LRRCC1: variants seen among roughly 807,000 people sequenced by gnomAD.
LRRCC1 encodes leucine-rich repeat and coiled-coil domain-containing protein 1.
In LRRCC1, 115 loss-of-function variants were observed where a neutral mutation model predicts 126.0. That is an observed-to-expected ratio of 0.91 (90% CI 0.78 to 1.07). The LOEUF is 1.07. Ranked by LOEUF, LRRCC1 falls within the 50% of genes least tolerant of loss-of-function variation. The pLI is 0.00. For synonymous variants in LRRCC1, 400 were observed against 393.4 expected (o/e 1.02, Z -0.20); for missense variants, 1,172 against 1,175.7 (o/e 1.00, Z 0.05).
intron 6 of LRRCC1, among the ~76,000 whole-genome samples, chr8:85,118,710 A>G (rs1809297969): frequency 6.6e-6 from 1 of 151,968 alleles, no homozygotes; most frequent in African/African-American, 2.4e-5. Flanking sequence ...GCCCATTTTT[A>G]AATTGGGTTG....
chr8:85,136,058 A>G (rs1810838083), intron 14 of LRRCC1, 95 bp downstream of exon 14: 1 of 1,077,626 alleles, frequency 9.3e-7, no homozygotes, highest in Admixed American at 3.4e-5. Context: ...CTGCCTAAAG[A>G]TGCCAAGAAA....
chr8:85,122,001 T>C (rs1240862464), intron 6 of LRRCC1, among the ~76,000 whole-genome samples: 1 of 152,242 alleles, frequency 6.6e-6, no homozygotes, highest in African/African-American at 2.4e-5. Flanking sequence ...CATCTGTGGA[T>C]ACTAGTCTGT....
chr8:85,115,079 T>C (rs1424408181), intron 4 of LRRCC1, 21 bp from the exon 5 acceptor site: 1 of 1,520,572 alleles, frequency 6.6e-7, no homozygotes. Context: ...CAGTTTTCAT[T>C]TTGAATGATT....
chr8:85,132,241 T>C (rs959619494), intron 12 of LRRCC1, among the ~76,000 whole-genome samples: 4 of 152,188 alleles, frequency 2.6e-5, no homozygotes, highest in Non-Finnish European at 5.9e-5. Flanking sequence ...TTGGCAAAAC[T>C]AAAGCCCCCA....
chr8:85,131,904 G>A lies in LRRCC1; in HGVS notation c.1911G>A (p.Met637Ile), dbSNP rs1437493554. ...EKIDVLSQQYMDLENEFRIAL... is the reference protein window; with the variant it reads ...EKIDVLSQQYIDLENEFRIAL... The stretch of plus-strand genomic sequence containing the variant: ...TTGACGTGTTAAGCCAGCAGTATAT[G>A]GATTTAGAAAATGAATTCCGTATTG... Residue 637 changes from methionine to isoleucine, a missense_variant, in exon 12 of 19, where the codon ATG (methionine) becomes ATA (isoleucine). Coordinates refer to ENST00000360375, the MANE Select transcript of LRRCC1 (RefSeq NM_033402.5). 6.2e-7 allele frequency: 1 copy of A among 1,613,666 alleles called. No homozygotes were observed. The highest frequency in any genetic ancestry group is 8.5e-7 in the Non-Finnish European group (1 of 1,179,896).
chr8:85,118,257 A>T (rs1227854663), intron 6 of LRRCC1, among the ~76,000 whole-genome samples: 1 of 151,560 alleles, frequency 6.6e-6, no homozygotes, highest in African/African-American at 2.4e-5. Flanking sequence ...ATTACACTTT[A>T]TTTTTCCATT....
chr8:85,141,632 A>C, intron 18 of LRRCC1, 115 bp downstream of exon 18: 1 of 746,086 alleles, frequency 1.3e-6, no homozygotes, highest in South Asian at 2.3e-5. Flanking sequence ...GACCAAATAG[A>C]TATAAAGAAT....
In LRRCC1 at chr8:85,137,532, T is replaced by G; in HGVS notation, c.2398T>G (p.Cys800Gly). ...QIESLSRENE[C>G]LRKTNESDSD... The stretch of plus-strand genomic sequence containing the variant: ...TGAGAGTTTATCTAGAGAGAATGAA[T>G]GTCTGCGAAAGACAAATGAAAGTGA... Residue 800 changes from cysteine to glycine, a missense_variant, in exon 15 of 19, where the codon TGT (cysteine) becomes GGT (glycine). Coordinates refer to ENST00000360375, the MANE Select transcript of LRRCC1 (RefSeq NM_033402.5). The G allele has an allele frequency of 6.4e-7, 1 of 1,571,754 alleles. No homozygotes were observed. Among genetic ancestry groups the G allele is most frequent in the Non-Finnish European group, 8.6e-7 (1 of 1,163,586 alleles).
chr8:85,135,014 A>ATTT lies in LRRCC1; in HGVS notation c.2136_2137insTTT (p.Glu712_Thr713insPhe). The ATTT allele has an allele frequency of 1.3e-6, 2 of 1,542,226 alleles. No individual in the cohort carries two copies. Among genetic ancestry groups the ATTT allele is most frequent in the East Asian group, 4.8e-5 (2 of 41,996 alleles). ...CAGAAGTTTCTAAATTGAAACAAGA[A>ATTT]ACAGCAGCAAATTTACAGGTAAGAC... On this transcript the variant is annotated inframe_insertion, in exon 13 of 19. Coordinates refer to ENST00000360375, the MANE Select transcript of LRRCC1 (RefSeq NM_033402.5).
At chr8:85,132,584 G>A (rs1376959208) in intron 12 of LRRCC1, among the ~76,000 whole-genome samples, 1 of 151,882 alleles carries the variant, frequency 6.6e-6, no homozygotes, top group Non-Finnish European at 1.5e-5. Flanking sequence ...GTAGAGACAG[G>A]ATTTCATCAT....
At chr8:85,113,122 T>TG in intron 4 of LRRCC1, 23 bp downstream of exon 4, 1 of 1,565,736 alleles carries the variant, frequency 6.4e-7, no homozygotes, top group Non-Finnish European at 8.7e-7. Context: ...AATTTAATAT[T>TG]TTTTCTAACA....
intron 17 of LRRCC1, 123 bp downstream of exon 17, chr8:85,138,598 T>G: frequency 1.0e-6 from 1 of 987,092 alleles, no homozygotes; most frequent in African/African-American, 1.6e-5. Flanking sequence ...GCCAAGAAGT[T>G]TATTTCCATT....
intron 17 of LRRCC1, among the ~76,000 whole-genome samples, chr8:85,139,138 A>AT (rs1811076217): frequency 6.6e-6 from 1 of 152,158 alleles, no homozygotes; most frequent in South Asian, 2.1e-4. Context: ...AGCTAGTGAT[A>AT]TTTTAGTTGT....
chr8:85,126,701 C>T lies in LRRCC1; in HGVS notation c.1285C>T (p.Gln429Ter), dbSNP rs745650853. 2 of 1,611,316 alleles carry T rather than the reference C, an allele frequency of 1.2e-6. No individual in the cohort carries two copies. Among genetic ancestry groups the T allele is most frequent in the Non-Finnish European group, 8.5e-7 (1 of 1,179,538 alleles). The change falls in exon 9 of 19, where the codon CAG becomes TAG. Residue 429 changes from glutamine (Q) to a stop codon, truncating the protein, a stop_gained. Transcript: ENST00000360375. LOFTEE classifies it high-confidence loss of function. ...EDNTYQSLVE[Q>*]LDQEREKRWR... is the part of the protein sequence containing the mutation. ...TGTTTTCTTTCAGTCCCTTGTTGAA[C>T]AGCTAGACCAAGAGAGAGAGAAGAG...
rs567096395 is a variant in LRRCC1, at chr8:85,135,114, C to T, written c.2154+82C>T. On this transcript the variant is annotated intron_variant, in intron 13 of 18. Transcript: ENST00000360375. ...GGTTGTGATAAATTTAGGAAGTACACGAAAGGAACTTTTAAATGATACTAA... is the reference window on the plus strand; with the variant it reads ...GGTTGTGATAAATTTAGGAAGTACATGAAAGGAACTTTTAAATGATACTAA... 1.0e-5 allele frequency: 10 copies of T among 995,190 alleles called. No individual in the cohort carries two copies. The African/African-American group carries it at 1.2e-4, about 12-fold the overall frequency. The allele number at this position is 995,190 out of a possible 1,614,324, so 61.6% of individuals were successfully genotyped here. A position where few individuals can be genotyped will look rare whatever the true frequency, so the allele number is the denominator to read the frequency against.
chr8:85,112,422 G>A (rs1299412179), intron 3 of LRRCC1, among the ~76,000 whole-genome samples: 1 of 152,210 alleles, frequency 6.6e-6, no homozygotes, highest in African/African-American at 2.4e-5. Context: ...CATGACAGCT[G>A]CAGCTGAAGT....
intron 8 of LRRCC1, among the ~76,000 whole-genome samples, chr8:85,126,004 C>T (rs1332457898): frequency 1.3e-5 from 2 of 152,084 alleles, no homozygotes; most frequent in East Asian, 1.9e-4. Flanking sequence ...CATGAAAAAT[C>T]AATCTTTTCT....
chr8:85,139,316 G>A (rs1811093477), intron 17 of LRRCC1, among the ~76,000 whole-genome samples: 1 of 152,092 alleles, frequency 6.6e-6, no homozygotes, highest in African/African-American at 2.4e-5. Context: ...CCAGGCTGGA[G>A]TGCAATGGCA....
At chr8:85,141,771 T>A (rs530895116) in intron 18 of LRRCC1, among the ~76,000 whole-genome samples, 52 of 152,338 alleles carry the variant, frequency 3.4e-4, no homozygotes, top group Non-Finnish European at 5.7e-4. Flanking sequence ...GCTCTCTGGA[T>A]AAAAATTTCA....
Sources: gnomAD v4.1 joint callset for allele counts (sites outside exome capture counted in the v4.1 genomes callset) on GRCh38, gnomAD v4.1.1 for gene constraint, MANE v1.5 for transcripts, NCBI Gene and HGNC (gene_info 2026-07-23, HGNC 2026-07-21) for gene names.